PKIB: variants seen among roughly 807,000 people sequenced by gnomAD.
PKIB encodes PKI-beta.
Under a neutral mutation model 4.5 loss-of-function variants are expected in PKIB, and 2 were observed. The ratio of observed to expected loss-of-function variants is 0.44; its 90% CI spans 0.18 to 1.39. The LOEUF is 1.39. Ranked by LOEUF, PKIB falls within the 40% of genes most tolerant of loss-of-function variation. The probability of loss-of-function intolerance (pLI) is 0.27; values close to 1 mark genes in which losing one functional copy is unlikely to be tolerated. For missense variants in PKIB, 94 were observed against 92.6 expected, an observed-to-expected ratio of 1.02 and a Z score of -0.06; for synonymous variants, 38 against 36.0, an observed-to-expected ratio of 1.06 and a Z score of -0.20.
At chr6:122,573,315 C>T (rs572881610) in intron 2 of PKIB, among the ~76,000 whole-genome samples, 2 of 151,786 alleles carry the variant, frequency 1.3e-5, no homozygotes, top group East Asian at 3.9e-4. Flanking sequence ...ATCACTTAAA[C>T]CCAGAAGGTT....
intron 2 of PKIB, among the ~76,000 whole-genome samples, chr6:122,673,212 A>G (rs1260670491): frequency 6.6e-6 from 1 of 152,066 alleles, no homozygotes; most frequent in Non-Finnish European, 1.5e-5. Context: ...AATTATAGGG[A>G]TATTTTAAAC....
chr6:122,664,670 C>T (rs556480468), intron 2 of PKIB, among the ~76,000 whole-genome samples: 8 of 152,156 alleles, frequency 5.3e-5, no homozygotes, highest in South Asian at 4.1e-4. Flanking sequence ...GCTGGGATTA[C>T]GGATATGAGC....
chr6:122,545,329 T>A (rs1772459993), intron 2 of PKIB, among the ~76,000 whole-genome samples: 1 of 151,968 alleles, frequency 6.6e-6, no homozygotes, highest in South Asian at 2.1e-4. Context: ...TGAGATCATG[T>A]CTTTTGCAAC....
chr6:122,602,955 CAAAAAAAA>C (rs71021410), intron 3 of PKIB, among the ~76,000 whole-genome samples: 5 of 74,876 alleles, frequency 6.7e-5, no homozygotes, highest in Admixed American at 3.5e-4. Flanking sequence ...GACTGCGTCT[CAAAAAAAA>C]AAAAAAAAAA....
intron 2 of PKIB, among the ~76,000 whole-genome samples, chr6:122,583,269 A>T (rs926593631): frequency 6.6e-6 from 1 of 152,068 alleles, no homozygotes; most frequent in Admixed American, 6.6e-5. Context: ...AAATCTTAAT[A>T]ATATCTTCTA....
Position 122,553,481 on chromosome 6 carries a change from C to T in PKIB, c.-247-32440C>T, listed in dbSNP as rs66680961. On this transcript the variant is annotated intron_variant, in intron 2 of 6. Transcript: ENST00000392491. ...TCTCTCAAGATTGCTCAAATATCTT[C>T]TTTTTTTTTTTTTTTTTTTTTTCTG... Among the ~76,000 whole-genome samples, 535 of 65,714 alleles carry T rather than the reference C, an allele frequency of 8.1e-3. 14 individuals carry two copies. Among genetic ancestry groups the T allele is most frequent in the East Asian group, 0.038 (70 of 1,822 alleles). The allele number at this position is 65,714 out of a possible 152,430, so 43.1% of individuals were successfully genotyped here.
At chr6:122,702,230 A>G (rs780006945) in intron 3 of PKIB, among the ~76,000 whole-genome samples, 17 of 151,914 alleles carry the variant, frequency 1.1e-4, no homozygotes, top group Admixed American at 7.9e-4. Context: ...AAGGCTACCA[A>G]TCTGGTATTG....
At chr6:122,639,137 G>A (rs1030137557) in intron 2 of PKIB, among the ~76,000 whole-genome samples, 1 of 152,130 alleles carries the variant, frequency 6.6e-6, no homozygotes, top group African/African-American at 2.4e-5. Flanking sequence ...AATCAAACAA[G>A]CATAACCCTA....
intron 1 of PKIB, among the ~76,000 whole-genome samples, chr6:122,628,778 C>T (rs1775571873): frequency 6.6e-6 from 1 of 152,168 alleles, no homozygotes; most frequent in Non-Finnish European, 1.5e-5. Flanking sequence ...CCTGACCTGA[C>T]TCACAACATT....
chr6:122,591,456 T>A (rs1774019510), intron 3 of PKIB, among the ~76,000 whole-genome samples: 1 of 152,180 alleles, frequency 6.6e-6, no homozygotes, highest in Admixed American at 6.6e-5. Context: ...GAAGTCCAAG[T>A]CAATAATCCA....
chr6:122,563,355 C>T (rs1022219767), intron 2 of PKIB, among the ~76,000 whole-genome samples: 7 of 152,054 alleles, frequency 4.6e-5, no homozygotes, highest in Non-Finnish European at 8.8e-5. Context: ...AGTGCCTGTT[C>T]TGGTGGAGGT....
At chr6:122,524,965 A>G in intron 2 of PKIB, among the ~76,000 whole-genome samples, 1 of 148,374 alleles carries the variant, frequency 6.7e-6, no homozygotes, top group South Asian at 2.1e-4. Flanking sequence ...TGCTTTATTT[A>G]TCTCTGCTCT....
chr6:122,522,009 A>G (rs149202100), intron 2 of PKIB, among the ~76,000 whole-genome samples: 1,795 of 152,230 alleles, frequency 0.012, 39 homozygotes, highest in African/African-American at 0.042. Flanking sequence ...GGCCAAATGC[A>G]TTGTTGATGT....
At chr6:122,625,252 TC>T (rs1266168586) in intron 1 of PKIB, among the ~76,000 whole-genome samples, 7 of 152,234 alleles carry the variant, frequency 4.6e-5, no homozygotes, top group Non-Finnish European at 1.0e-4. Context: ...TTTTATCAGT[TC>T]CTTTTTATTC....
rs149454418 is a variant in PKIB, at chr6:122,578,200, T to C, written c.-247-7721T>C. Among the ~76,000 whole-genome samples, 251 of 152,188 alleles carry C rather than the reference T, an allele frequency of 1.6e-3. 2 individuals carry two copies. Among genetic ancestry groups the C allele is most frequent in the African/African-American group, 5.6e-3 (232 of 41,510 alleles). ...GTAAAATGAGGCTGGGAACCATGGC[T>C]AAAAATTAAATCAGGGTTCAACGAA... On this transcript the variant is annotated intron_variant, in intron 2 of 6. Coordinates refer to the PKIB transcript ENST00000392491.
intron 1 of PKIB, among the ~76,000 whole-genome samples, chr6:122,621,009 A>G (rs184648373): frequency 6.6e-6 from 1 of 151,712 alleles, no homozygotes; most frequent in Admixed American, 6.6e-5. Context: ...TCTTGTTATT[A>G]TGATTATAAT....
At chr6:122,682,343 T>C (rs1170411729) in intron 3 of PKIB, among the ~76,000 whole-genome samples, 2 of 152,152 alleles carry the variant, frequency 1.3e-5, no homozygotes, top group African/African-American at 2.4e-5. Flanking sequence ...TAGGATTCTA[T>C]AGAATTATTA....
intron 2 of PKIB, among the ~76,000 whole-genome samples, chr6:122,534,341 C>T (rs764064520): frequency 6.6e-6 from 1 of 151,692 alleles, no homozygotes; most frequent in African/African-American, 2.4e-5. Context: ...GGCAGATGTG[C>T]TAAATGTAGT....
At chr6:122,604,042 C>A (rs887314846) in intron 3 of PKIB, among the ~76,000 whole-genome samples, 5 of 152,088 alleles carry the variant, frequency 3.3e-5, no homozygotes, top group African/African-American at 1.2e-4. Flanking sequence ...TTATTAGATA[C>A]CAACTCTGTG....
Sources: allele counts gnomAD v4.1 joint callset (sites outside exome capture counted in the v4.1 genomes callset), GRCh38; gene constraint gnomAD v4.1.1; transcripts MANE v1.5; gene names NCBI Gene and HGNC (gene_info 2026-07-23, HGNC 2026-07-21).